The following TRPC4 variants were observed in gnomAD, a reference collection of about 807,000 sequenced individuals.
TRPC4 encodes the protein transient receptor potential cation channel subfamily C member 4.
Under a neutral mutation model 99.4 loss-of-function variants are expected in TRPC4, and 49 were observed. That is an observed-to-expected ratio of 0.49 (90% confidence interval 0.39 to 0.63). The LOEUF is 0.63. TRPC4 is among the 20% of genes least tolerant of loss of function. The pLI, the probability that TRPC4 is intolerant of heterozygous loss-of-function variation, is 0.00. For missense variants in TRPC4, 898 were observed against 1,152.9 expected (o/e 0.78, Z 3.20); for synonymous variants, 454 against 425.9 (o/e 1.07, Z -0.81).
intron 2 of TRPC4, among the ~76,000 whole-genome samples, chr13:37,771,138 T>C (rs1956540531): frequency 6.6e-6 from 1 of 151,732 alleles, no homozygotes; most frequent in African/African-American, 2.4e-5. Context: ...TACTTATATT[T>C]ACCCTAAAAC....
At chr13:37,847,237 A>G (rs1489948182) in intron 1 of TRPC4, among the ~76,000 whole-genome samples, 2 of 152,088 alleles carry the variant, frequency 1.3e-5, no homozygotes, top group Non-Finnish European at 2.9e-5. Flanking sequence ...AACAGGATTC[A>G]CATTCTTCTC....
intron 1 of TRPC4, among the ~76,000 whole-genome samples, chr13:37,811,150 AT>A (rs1566187948): frequency 6.6e-6 from 1 of 152,148 alleles, no homozygotes; most frequent in African/African-American, 2.4e-5. Flanking sequence ...GTTTAATAAG[AT>A]ATCTTAGAAG....
intron 9 of TRPC4, 35 bp from the exon 10 acceptor site, chr13:37,639,164 A>G (rs1208110531): frequency 1.2e-6 from 2 of 1,612,980 alleles, no homozygotes; most frequent in South Asian, 1.1e-5. Flanking sequence ...TTGATACTCA[A>G]TGAGTAAATA....
intron 3 of TRPC4, among the ~76,000 whole-genome samples, chr13:37,694,343 C>T (rs897383185): frequency 9.9e-5 from 15 of 152,072 alleles, no homozygotes; most frequent in African/African-American, 3.4e-4. Flanking sequence ...TAACTCATTC[C>T]GTGCATGCAG....
intron 3 of TRPC4, among the ~76,000 whole-genome samples, chr13:37,733,360 G>C (rs1593613134): frequency 1.3e-5 from 2 of 152,104 alleles, no homozygotes; most frequent in South Asian, 4.1e-4. Context: ...TTCAAGAGAA[G>C]GGAAATTAGC....
intron 3 of TRPC4, among the ~76,000 whole-genome samples, chr13:37,703,550 A>G (rs1954171512): frequency 6.6e-6 from 1 of 152,188 alleles, no homozygotes; most frequent in African/African-American, 2.4e-5. Context: ...CAAAAGATAT[A>G]TAGATGGCAA....
intron 1 of TRPC4, among the ~76,000 whole-genome samples, chr13:37,787,547 T>C (rs1957003483): frequency 6.6e-6 from 1 of 152,034 alleles, no homozygotes; most frequent in Non-Finnish European, 1.5e-5. Flanking sequence ...CAAGAAACAA[T>C]ACATACGTTT....
At chr13:37,762,835 T>G (rs954080077) in intron 2 of TRPC4, among the ~76,000 whole-genome samples, 1 of 150,722 alleles carries the variant, frequency 6.6e-6, no homozygotes, top group African/African-American at 2.4e-5. Flanking sequence ...ACCTGCACAT[T>G]GTGCACATGT....
chr13:37,769,701 C>T (rs1956495216), intron 2 of TRPC4, among the ~76,000 whole-genome samples: 1 of 151,468 alleles, frequency 6.6e-6, no homozygotes, highest in South Asian at 2.1e-4. Context: ...ATCTAGAAGC[C>T]TATCCTCAGA....
intron 2 of TRPC4, among the ~76,000 whole-genome samples, chr13:37,747,386 A>G (rs1955817505): frequency 6.6e-6 from 1 of 152,076 alleles, no homozygotes; most frequent in South Asian, 2.1e-4. Flanking sequence ...CTGACACCCA[A>G]CCCTGAGTGA....
intron 1 of TRPC4, among the ~76,000 whole-genome samples, chr13:37,823,535 T>A (rs1298761798): frequency 1.3e-5 from 2 of 151,764 alleles, no homozygotes; most frequent in Non-Finnish European, 2.9e-5. Context: ...GGGAATCCTT[T>A]CCCCATTGCT....
chr13:37,809,790 T>C (rs1957625103), intron 1 of TRPC4, among the ~76,000 whole-genome samples: 1 of 151,986 alleles, frequency 6.6e-6, no homozygotes, highest in Non-Finnish European at 1.5e-5. Context: ...GGAATGAAAA[T>C]GAGAACCTAG....
At chr13:37,694,524 G>A (rs1173032510) in intron 3 of TRPC4, among the ~76,000 whole-genome samples, 2 of 151,894 alleles carry the variant, frequency 1.3e-5, no homozygotes, top group East Asian at 3.9e-4. Flanking sequence ...TTTGTTGCTG[G>A]ATACACACAT....
In TRPC4 at chr13:37,655,185, A is replaced by G. The variant is rs752951967; in HGVS notation, c.1787T>C (p.Val596Ala). Residue 596 changes from valine (V) to alanine (A), a missense_variant, in exon 7 of 11, where the codon GTT becomes GCT. Physicochemically the swap from Val to Ala is moderately conservative, Grantham distance 64. Coordinates refer to ENST00000379705, the MANE Select transcript of TRPC4 (RefSeq NM_016179.4). The stretch of plus-strand genomic sequence containing the variant: ...GTATGTCCCAAACATGGTGGCACCA[A>G]CAAACTCAGTAAATTCATGCTGTGC... The part of the protein sequence containing the change: ...VKAQHEFTEF[V>A]GATMFGTYNV... The G allele has an allele frequency of 1.9e-6, 3 of 1,608,728 alleles. No homozygotes were observed. Among genetic ancestry groups the G allele is most frequent in the South Asian group, 1.1e-5 (1 of 90,528 alleles).
intron 8 of TRPC4, among the ~76,000 whole-genome samples, chr13:37,648,097 C>G (rs1459297939): frequency 6.6e-6 from 1 of 152,094 alleles, no homozygotes. Context: ...CACGTGCCAC[C>G]ACGCGCAGCT....
chr13:37,701,771 G>A (rs1256621408), intron 3 of TRPC4, among the ~76,000 whole-genome samples: 2 of 152,062 alleles, frequency 1.3e-5, no homozygotes, highest in South Asian at 2.1e-4. Context: ...GTATGAATAA[G>A]GACTTCACTG....
intron 1 of TRPC4, among the ~76,000 whole-genome samples, chr13:37,842,361 A>G (rs1317411499): frequency 1.4e-5 from 2 of 144,178 alleles, no homozygotes; most frequent in Non-Finnish European, 3.1e-5. Context: ...AAAAAAAAAA[A>G]AAAAAAAAAG....
intron 1 of TRPC4, among the ~76,000 whole-genome samples, chr13:37,846,746 C>A (rs1378774352): frequency 6.6e-6 from 1 of 151,828 alleles, no homozygotes; most frequent in African/African-American, 2.4e-5. Context: ...GGATTAAATT[C>A]TTCAATAAAA....
chr13:37,745,502 ATATATG>A (rs1425669003), intron 3 of TRPC4, among the ~76,000 whole-genome samples: 5 of 131,948 alleles, frequency 3.8e-5, no homozygotes, highest in African/African-American at 1.2e-4. Flanking sequence ...ATATATACGT[ATATATG>A]TATATATATA....
Sources: gnomAD v4.1 joint callset for allele counts (sites outside exome capture counted in the v4.1 genomes callset) on GRCh38, gnomAD v4.1.1 for gene constraint, MANE v1.5 for transcripts, NCBI Gene and HGNC (gene_info 2026-07-23, HGNC 2026-07-21) for gene names.